The following TRPM3 variants were observed in gnomAD, a reference collection of about 807,000 sequenced individuals.
TRPM3 encodes the protein long transient receptor potential channel 3.
In TRPM3, 77 loss-of-function variants were observed where a neutral mutation model predicts 181.2. The observed-to-expected ratio is 0.42, with a 90% confidence interval of 0.35 to 0.51. The LOEUF is 0.51. Ranked by LOEUF, TRPM3 falls within the 20% of genes least tolerant of loss-of-function variation. The pLI, the probability that TRPM3 is intolerant of heterozygous loss-of-function variation, is 0.01. For missense variants in TRPM3, 1,759 were observed against 2,196.7 expected (o/e 0.80, Z 3.98); for synonymous variants, 745 against 796.4 (o/e 0.94, Z 1.09).
At chr9:71,155,082 A>G (rs1377322379) in intron 1 of TRPM3, among the ~76,000 whole-genome samples, 1 of 152,172 alleles carries the variant, frequency 6.6e-6, no homozygotes, top group Non-Finnish European at 1.5e-5. Context: ...GGCTTTATCA[A>G]ATAGTATTAA....
At chr9:70,867,222 T>C (rs1004713365) in intron 1 of TRPM3, among the ~76,000 whole-genome samples, 1 of 152,036 alleles carries the variant, frequency 6.6e-6, no homozygotes, top group Non-Finnish European at 1.5e-5. Context: ...GACACCAGAA[T>C]CTGAGAAATG....
intron 1 of TRPM3, among the ~76,000 whole-genome samples, chr9:71,341,669 TAAA>T (rs55885675): frequency 0.9 from 134,733 of 150,486 alleles, 60,843 homozygotes; most frequent in East Asian, 0.97. Flanking sequence ...AAGAAACTAG[TAAA>T]AAAAAAAAAA....
At chr9:70,906,677 C>T (rs1261715517) in intron 1 of TRPM3, among the ~76,000 whole-genome samples, 3 of 152,128 alleles carry the variant, frequency 2.0e-5, no homozygotes, top group Non-Finnish European at 2.9e-5. Context: ...CCAAGGCCGG[C>T]GGATCACCTG....
At chr9:70,593,553 T>G (rs1017168644) in intron 21 of TRPM3, among the ~76,000 whole-genome samples, 1 of 152,198 alleles carries the variant, frequency 6.6e-6, no homozygotes. Flanking sequence ...TTCTCAGGAT[T>G]GTTTTTGTTC....
intron 6 of TRPM3, among the ~76,000 whole-genome samples, chr9:70,814,078 A>G (rs946455343): frequency 6.6e-6 from 1 of 152,244 alleles, no homozygotes; most frequent in Admixed American, 6.5e-5. Context: ...GATATAACAG[A>G]GAGCAGTCAC....
At chr9:70,891,179 A>G (rs182915732) in intron 1 of TRPM3, among the ~76,000 whole-genome samples, 63 of 152,340 alleles carry the variant, frequency 4.1e-4, no homozygotes, top group Non-Finnish European at 6.9e-4. Context: ...ATAAAAAATT[A>G]GAATTGTTCA....
At chr9:71,353,120 C>T (rs1485517540) in intron 1 of TRPM3, among the ~76,000 whole-genome samples, 2 of 152,060 alleles carry the variant, frequency 1.3e-5, no homozygotes, top group Non-Finnish European at 2.9e-5. Context: ...TTGAAATAAC[C>T]TTCAGGTCAT....
chr9:71,331,721 G>GAAAAGGAGGAGA (rs1389915253), intron 1 of TRPM3, among the ~76,000 whole-genome samples: 1 of 115,198 alleles, frequency 8.7e-6, no homozygotes, highest in African/African-American at 3.4e-5. Context: ...AAAGGAGGAG[G>GAAAAGGAGGAGA]AAAAGGAGGA....
At chr9:70,738,547 C>G (rs776419964) in intron 8 of TRPM3, among the ~76,000 whole-genome samples, 1 of 152,042 alleles carries the variant, frequency 6.6e-6, no homozygotes, top group Non-Finnish European at 1.5e-5. Flanking sequence ...AGAAAGAGCA[C>G]AGACAATCTA....
intron 1 of TRPM3, among the ~76,000 whole-genome samples, chr9:70,885,306 T>A (rs1564685042): frequency 6.6e-6 from 1 of 152,296 alleles, no homozygotes; most frequent in East Asian, 1.9e-4. Flanking sequence ...GTGGCCTGTA[T>A]TCACTAGATA....
intron 1 of TRPM3, among the ~76,000 whole-genome samples, chr9:70,921,648 G>A (rs2096654276): frequency 6.6e-6 from 1 of 152,180 alleles, no homozygotes; most frequent in Admixed American, 6.5e-5. Flanking sequence ...AGGGAAGGTT[G>A]TACAGAGAGT....
At chr9:71,177,215 T>G (rs546233721) in intron 1 of TRPM3, among the ~76,000 whole-genome samples, 1 of 152,246 alleles carries the variant, frequency 6.6e-6, no homozygotes, top group African/African-American at 2.4e-5. Flanking sequence ...ACCTTCTAGT[T>G]GCAGGAAAAC....
chr9:71,224,380 G>A (rs143554091), intron 1 of TRPM3, among the ~76,000 whole-genome samples: 1 of 152,264 alleles, frequency 6.6e-6, no homozygotes, highest in Non-Finnish European at 1.5e-5. Context: ...AGTGACCACT[G>A]GATCGCAACA....
intron 25 of TRPM3, among the ~76,000 whole-genome samples, chr9:70,541,003 C>T (rs1458196862): frequency 6.6e-6 from 1 of 152,172 alleles, no homozygotes; most frequent in Non-Finnish European, 1.5e-5. Flanking sequence ...GGGATTTTCA[C>T]AGGCAGGAGT....
intron 3 of TRPM3, among the ~76,000 whole-genome samples, chr9:70,860,384 A>G (rs1334247462): frequency 6.6e-6 from 1 of 152,180 alleles, no homozygotes; most frequent in African/African-American, 2.4e-5. Context: ...TAGGAAGAAT[A>G]CCAACAGAAA....
intron 1 of TRPM3, among the ~76,000 whole-genome samples, chr9:71,349,127 T>C (rs2091459150): frequency 6.6e-6 from 1 of 152,168 alleles, no homozygotes. Flanking sequence ...GATTGCCTGC[T>C]CCAATGGTAA....
At chr9:70,885,049 C>A (rs78890588) in intron 1 of TRPM3, among the ~76,000 whole-genome samples, 2,431 of 152,270 alleles carry the variant, frequency 0.016, 34 homozygotes, top group Non-Finnish European at 0.025. Flanking sequence ...ATGTGCCCAA[C>A]CCCCTGTTGC....
chr9:70,920,942 A>AGAG (rs148033934), intron 1 of TRPM3, among the ~76,000 whole-genome samples: 2,442 of 152,270 alleles, frequency 0.016, 60 homozygotes, highest in African/African-American at 0.054. Flanking sequence ...ACTACTGACC[A>AGAG]GAGGAATGTT....
chr9:71,200,826 C>G (rs982114072), intron 1 of TRPM3, among the ~76,000 whole-genome samples: 2 of 151,502 alleles, frequency 1.3e-5, no homozygotes, highest in Admixed American at 6.6e-5. Context: ...ACTCTTTATC[C>G]AATTTGCCAG....
Sources: allele counts gnomAD v4.1 joint callset (sites outside exome capture counted in the v4.1 genomes callset), GRCh38; gene constraint gnomAD v4.1.1; transcripts MANE v1.5; gene names NCBI Gene and HGNC (gene_info 2026-07-23, HGNC 2026-07-21).